Variants in ZDHHC17 observed in about 807,000 individuals in gnomAD.
ZDHHC17 encodes the protein palmitoyltransferase ZDHHC17.
Under a neutral mutation model 90.3 loss-of-function variants are expected in ZDHHC17, and 40 were observed. The ratio of observed to expected loss-of-function variants is 0.44; its 90% CI spans 0.34 to 0.58. The LOEUF is 0.58. ZDHHC17 is among the 20% of genes least tolerant of loss of function. The pLI is 0.01. For missense variants in ZDHHC17, 614 were observed against 780.8 expected (o/e 0.79, Z 2.55); for synonymous variants, 235 against 252.4 (o/e 0.93, Z 0.65).
intron 1 of ZDHHC17, among the ~76,000 whole-genome samples, chr12:76,780,794 T>C (rs1235165028): frequency 6.6e-6 from 1 of 152,092 alleles, no homozygotes; most frequent in Non-Finnish European, 1.5e-5. Context: ...TCAAACAAGA[T>C]AAAATTAGGT....
At chr12:76,840,263 G>A (rs556722828) in intron 10 of ZDHHC17, 57 of 151,288 alleles carry the variant, frequency 3.8e-4, no homozygotes, top group African/African-American at 1.4e-3. Flanking sequence ...TTTTTTTAGT[G>A]CTTTCTCATT....
At chr12:76,773,184 G>A (rs1952517322) in intron 1 of ZDHHC17, among the ~76,000 whole-genome samples, 1 of 152,120 alleles carries the variant, frequency 6.6e-6, no homozygotes, top group African/African-American at 2.4e-5. Context: ...TAAGAGTAAT[G>A]TGTGTCCGCC....
chr12:76,815,072 T>G (rs767736601), intron 5 of ZDHHC17, 74 bp from the exon 6 acceptor site: 2 of 995,352 alleles, frequency 2.0e-6, no homozygotes, highest in South Asian at 1.5e-5. Context: ...ATATATAGAT[T>G]AGATTTTTCC....
intron 1 of ZDHHC17, 177 bp downstream of exon 1, chr12:76,764,506 A>T (rs1952406665): frequency 1.6e-6 from 1 of 627,592 alleles, no homozygotes. Flanking sequence ...GGGAGGAGAT[A>T]GCGGGGCGGG....
rs544898294 is a variant in ZDHHC17, at chr12:76,764,486, CGGATAACG to C, written c.93+160_93+167del. 149 of 682,922 alleles carry C rather than the reference CGGATAACG, an allele frequency of 2.2e-4. No individual in the cohort carries two copies. In the African/African-American group the frequency reaches 2.4e-3, roughly 11 times the overall value. 42.3% of individuals were successfully genotyped at this position (682,922 alleles called of 1,614,324 possible). ...ATCCAGGCCTGAGCGCGGCTGCGAG[CGGATAACG>C]GGGGAGGAGATAGCGGGGCGGGCCC... On this transcript the variant is annotated intron_variant, in intron 1 of 16. Coordinates refer to ENST00000426126, the MANE Select transcript of ZDHHC17 (RefSeq NM_015336.4).
intron 7 of ZDHHC17, among the ~76,000 whole-genome samples, chr12:76,816,824 C>G (rs923668731): frequency 6.6e-6 from 1 of 151,934 alleles, no homozygotes; most frequent in Non-Finnish European, 1.5e-5. Context: ...TTAAGCTTAT[C>G]AATTTTTAGA....
chr12:76,765,749 G>A (rs965631366), intron 1 of ZDHHC17, among the ~76,000 whole-genome samples: 1 of 152,200 alleles, frequency 6.6e-6, no homozygotes. Flanking sequence ...CCCCCAGGCA[G>A]GAGTGCACTG....
rs1001961163 is a variant in ZDHHC17 at position 76,853,465 on chromosome 12, C to T, written c.*2480C>T. ...TTTTCATTCATATTTTTGTTGTTTCCAGGAATTTATTTGATATTAATGGGC... is the reference window on the plus strand; with the variant it reads ...TTTTCATTCATATTTTTGTTGTTTCTAGGAATTTATTTGATATTAATGGGC... On this transcript the variant is annotated 3_prime_UTR_variant, in exon 17 of 17. Coordinates refer to ENST00000426126, the MANE Select transcript of ZDHHC17 (RefSeq NM_015336.4). 16 of 152,126 alleles carry T rather than the reference C, an allele frequency of 1.1e-4. No individual in the cohort carries two copies. The highest frequency in any genetic ancestry group is 3.6e-4 in the African/African-American group (15 of 41,284). 9.4% of individuals were successfully genotyped at this position (152,126 alleles called of 1,614,324 possible). A position where few individuals can be genotyped will look rare whatever the true frequency, so the allele number is the denominator to read the frequency against.
In ZDHHC17 at chr12:76,805,304, C is replaced by T; in HGVS notation, c.198-13C>T. 3.8e-6 allele frequency: 6 copies of T among 1,578,936 alleles called. No individual in the cohort carries two copies. The highest frequency in any genetic ancestry group is 5.2e-6 in the Non-Finnish European group (6 of 1,159,360). On this transcript the variant is annotated splice_polypyrimidine_tract_variant and intron_variant, in intron 2 of 16. Transcript: ENST00000426126. ...TTAAATAATAACAATGCCATATTTT[C>T]TTTCTTTTCTAGATATGGAATATAT...
intron 10 of ZDHHC17, among the ~76,000 whole-genome samples, chr12:76,838,370 G>T (rs1953394667): frequency 1.3e-5 from 2 of 152,064 alleles, no homozygotes; most frequent in Admixed American, 1.3e-4. Context: ...TCTTGCTCGT[G>T]ATTGACCTGG....
chr12:76,836,597 T>C (rs996452338), intron 10 of ZDHHC17, among the ~76,000 whole-genome samples: 4 of 152,186 alleles, frequency 2.6e-5, no homozygotes, highest in Non-Finnish European at 5.9e-5. Context: ...TTAAATTGTT[T>C]AGTTTTCATT....
intron 5 of ZDHHC17, 71 bp from the exon 6 acceptor site, chr12:76,815,075 A>AT (rs1335809959): frequency 9.0e-7 from 1 of 1,115,568 alleles, no homozygotes; most frequent in Non-Finnish European, 1.3e-6. Context: ...TATAGATTAG[A>AT]TTTTTCCAAG....
At chr12:76,772,109 C>T (rs953271523) in intron 1 of ZDHHC17, among the ~76,000 whole-genome samples, 1 of 152,186 alleles carries the variant, frequency 6.6e-6, no homozygotes, top group Non-Finnish European at 1.5e-5. Context: ...TTAATCCTCA[C>T]AGCTTTTTAT....
At position 76,764,181 on chromosome 12, in the gene ZDHHC17, C is replaced by CGCGCTCGCCCT. The variant is rs1952396047; in HGVS notation, c.-55_-45dup. On this transcript the variant is annotated 5_prime_UTR_variant, in exon 1 of 17. Transcript: ENST00000426126. ...CCTCCGGCGGGGCTCGCGCTCGCCC[C>CGCGCTCGCCCT]GCGCTCGCCCTCCGCCTCGCCCGAG... 2.1e-6 allele frequency: 3 copies of CGCGCTCGCCCT among 1,407,044 alleles called. No homozygotes were observed. The highest frequency in any genetic ancestry group is 2.8e-6 in the Non-Finnish European group (3 of 1,053,290). 87.2% of individuals were successfully genotyped at this position (1,407,044 alleles called of 1,614,324 possible).
rs1953253205 is a variant in ZDHHC17, at chr12:76,828,248, A to G, written c.1041-142A>G. 11 of 596,202 alleles carry G rather than the reference A, an allele frequency of 1.8e-5. No individual in the cohort carries two copies. In the South Asian group the frequency reaches 3.9e-4, roughly 21 times the overall value. 36.9% of individuals were successfully genotyped at this position (596,202 alleles called of 1,614,324 possible). On this transcript the variant is annotated intron_variant, in intron 9 of 16. Coordinates refer to ENST00000426126, the MANE Select transcript of ZDHHC17 (RefSeq NM_015336.4). Reference sequence around the variant, plus strand: ...TGTGAACTAATTTTTATTGATTACTATGAAAAATTGAGCATCCTGAACTCT... The same window carrying G: ...TGTGAACTAATTTTTATTGATTACTGTGAAAAATTGAGCATCCTGAACTCT...
chr12:76,797,266 AAAAT>A (rs1479725799), intron 1 of ZDHHC17, among the ~76,000 whole-genome samples, 164 bp from the exon 2 acceptor site: 6 of 152,282 alleles, frequency 3.9e-5, no homozygotes, highest in East Asian at 1.9e-4. Context: ...CCATCTCAAA[AAAAT>A]AAATAAATAA....
intron 10 of ZDHHC17, among the ~76,000 whole-genome samples, chr12:76,839,233 C>T (rs1953403262): frequency 6.6e-6 from 1 of 152,194 alleles, no homozygotes; most frequent in Non-Finnish European, 1.5e-5. Flanking sequence ...CAATTTAGTC[C>T]ATAGCAAAGG....
chr12:76,849,678 TTC>T, intron 16 of ZDHHC17: 1 of 359,394 alleles, frequency 2.8e-6, no homozygotes, highest in Non-Finnish European at 4.9e-6. Flanking sequence ...TTATATTTTT[TTC>T]TTTTTAATTT....
chr12:76,837,377 C>T (rs1953379390), intron 10 of ZDHHC17, among the ~76,000 whole-genome samples: 2 of 152,102 alleles, frequency 1.3e-5, no homozygotes, highest in Admixed American at 6.5e-5. Context: ...TGCCTATAGT[C>T]CCAGCTACTC....
Sources: allele counts gnomAD v4.1 joint callset (sites outside exome capture counted in the v4.1 genomes callset), GRCh38; gene constraint gnomAD v4.1.1; transcripts MANE v1.5; gene names NCBI Gene and HGNC (gene_info 2026-07-23, HGNC 2026-07-21).